The following PCDHAC1 variants were observed in gnomAD, a reference collection of about 807,000 sequenced individuals.
PCDHAC1 encodes protocadherin alpha-C1.
In PCDHAC1, 42 loss-of-function variants were observed where a neutral mutation model predicts 60.0. The ratio of observed to expected loss-of-function variants is 0.70; its 90% CI spans 0.55 to 0.90. The LOEUF is 0.90. Among genes scored for constraint, PCDHAC1 ranks in the 40% least tolerant of loss-of-function variants. The pLI is 0.00. For synonymous variants in PCDHAC1, 468 were observed against 499.3 expected, an observed-to-expected ratio of 0.94 and a Z score of 0.84; for missense variants, 1,160 against 1,222.3, an observed-to-expected ratio of 0.95 and a Z score of 0.76.
chr5:140,969,600 C>CTAAAACACA, intron 1 of PCDHAC1: 1 of 778,552 alleles, frequency 1.3e-6, no homozygotes, highest in South Asian at 2.1e-5. Flanking sequence ...ATATTTAATG[C>CTAAAACACA]TAAAACACAG....
At chr5:140,976,688 G>T (rs1343503965) in intron 1 of PCDHAC1, among the ~76,000 whole-genome samples, 2 of 152,118 alleles carry the variant, frequency 1.3e-5, no homozygotes, top group East Asian at 3.8e-4. Context: ...TGCAATTTAA[G>T]TACAATAATG....
At chr5:140,996,842 T>C (rs2097749816) in intron 3 of PCDHAC1, among the ~76,000 whole-genome samples, 1 of 152,240 alleles carries the variant, frequency 6.6e-6, no homozygotes, top group African/African-American at 2.4e-5. Context: ...TTAGCGTGCA[T>C]CTTCAGAATT....
chr5:140,988,739 G>A (rs2097310931), intron 3 of PCDHAC1, among the ~76,000 whole-genome samples: 1 of 152,096 alleles, frequency 6.6e-6, no homozygotes, highest in Non-Finnish European at 1.5e-5. Flanking sequence ...AATTATTCTA[G>A]GATTGGTGGC....
chr5:140,989,889 C>T (rs1220430844), intron 3 of PCDHAC1, among the ~76,000 whole-genome samples: 3 of 151,522 alleles, frequency 2.0e-5, no homozygotes, highest in Admixed American at 6.6e-5. Flanking sequence ...TTGGAGTCTC[C>T]GTTATTCACA....
intron 1 of PCDHAC1, chr5:140,968,844 G>A: frequency 1.2e-6 from 2 of 1,614,210 alleles, no homozygotes; most frequent in African/African-American, 1.3e-5. Context: ...GACACTCAGA[G>A]GCATGTTAAG....
chr5:140,968,477 G>T, intron 1 of PCDHAC1: 1 of 1,614,112 alleles, frequency 6.2e-7, no homozygotes, highest in Non-Finnish European at 8.5e-7. Flanking sequence ...ATATGTGGTG[G>T]ACATGAATGA....
intron 3 of PCDHAC1, among the ~76,000 whole-genome samples, chr5:140,987,294 C>A (rs1406567852): frequency 6.6e-6 from 1 of 152,004 alleles, no homozygotes; most frequent in Non-Finnish European, 1.5e-5. Context: ...AACAAGCCTT[C>A]TATGTGATAC....
chr5:141,006,425 G>A (rs1483231288), intron 3 of PCDHAC1, among the ~76,000 whole-genome samples: 2 of 152,080 alleles, frequency 1.3e-5, no homozygotes, highest in African/African-American at 4.8e-5. Context: ...GTGTTAGCCA[G>A]GATGGTCTCA....
intron 3 of PCDHAC1, among the ~76,000 whole-genome samples, chr5:140,992,185 C>G (rs1554252730): frequency 1.3e-5 from 2 of 152,102 alleles, no homozygotes; most frequent in African/African-American, 4.8e-5. Context: ...ATCATGCTTT[C>G]AGTGATCTAT....
At chr5:140,947,341 A>C (rs1159995588) in intron 1 of PCDHAC1, among the ~76,000 whole-genome samples, 1 of 151,806 alleles carries the variant, frequency 6.6e-6, no homozygotes, top group East Asian at 1.9e-4. Context: ...TGTGGGCTTA[A>C]TTCTGGACTC....
chr5:140,955,658 AT>A (rs1187332497), intron 1 of PCDHAC1, among the ~76,000 whole-genome samples: 1 of 152,156 alleles, frequency 6.6e-6, no homozygotes, highest in African/African-American at 2.4e-5. Flanking sequence ...ACACATATGA[AT>A]TTTAACATAG....
intron 1 of PCDHAC1, among the ~76,000 whole-genome samples, chr5:140,964,896 G>A (rs868917865): frequency 6.6e-6 from 1 of 152,170 alleles, no homozygotes. Context: ...TAGGAGGCTG[G>A]GCGCTTCTCT....
At chr5:140,962,930 C>A (rs2095720492) in intron 1 of PCDHAC1, among the ~76,000 whole-genome samples, 1 of 152,144 alleles carries the variant, frequency 6.6e-6, no homozygotes, top group South Asian at 2.1e-4. Flanking sequence ...TACTTCTCAA[C>A]CTCCTCTCCA....
rs551685820 is a variant in PCDHAC1, at chr5:140,967,997, C to G, written c.2434-10952C>G. On this transcript the variant is annotated intron_variant, in intron 1 of 3. Transcript: ENST00000253807. ...GGGTCTGGAGGCCACACTGCCTTTC[C>G]GACTGAATGGCTTTGGAAACTCCTA... is the stretch of plus-strand genomic sequence containing the variant. The G allele has an allele frequency of 4.3e-6, 7 of 1,614,220 alleles. No individual in the cohort carries two copies. In the African/African-American group the frequency reaches 6.7e-5, roughly 15 times the overall value.
At chr5:140,986,954 C>T (rs2097219916) in intron 3 of PCDHAC1, among the ~76,000 whole-genome samples, 1 of 152,154 alleles carries the variant, frequency 6.6e-6, no homozygotes, top group African/African-American at 2.4e-5. Context: ...TCGCTCATGC[C>T]TGTAATTCCA....
At chr5:140,939,672 A>T (rs573857311) in intron 1 of PCDHAC1, among the ~76,000 whole-genome samples, 1 of 152,314 alleles carries the variant, frequency 6.6e-6, no homozygotes, top group Non-Finnish European at 1.5e-5. Context: ...ACCAACTTGT[A>T]TGTATGTGTG....
chr5:140,973,554 C>T (rs897513375), intron 1 of PCDHAC1, among the ~76,000 whole-genome samples: 3 of 152,316 alleles, frequency 2.0e-5, no homozygotes, highest in Admixed American at 6.5e-5. Flanking sequence ...TTTCAATTAC[C>T]TCTTTCCTCA....
intron 1 of PCDHAC1, chr5:140,967,239 G>A: frequency 1.9e-6 from 3 of 1,613,672 alleles, no homozygotes; most frequent in Non-Finnish European, 2.5e-6. Context: ...CTTCAGGTAA[G>A]CGAATCGGTG....
At chr5:141,007,379 C>T (rs1178671835) in intron 3 of PCDHAC1, among the ~76,000 whole-genome samples, 1 of 139,926 alleles carries the variant, frequency 7.1e-6, no homozygotes, top group Non-Finnish European at 1.5e-5. Context: ...GATGGAACAC[C>T]ATCTCTACTA....
Sources: allele counts gnomAD v4.1 joint callset (sites outside exome capture counted in the v4.1 genomes callset), GRCh38; gene constraint gnomAD v4.1.1; transcripts MANE v1.5; gene names NCBI Gene and HGNC (gene_info 2026-07-23, HGNC 2026-07-21).